The following USP50 variants were observed in gnomAD, a reference collection of about 807,000 sequenced individuals.
USP50 encodes the protein ubiquitin specific peptidase 50.
In USP50, 37 loss-of-function variants were observed where a neutral mutation model predicts 39.2. The observed-to-expected ratio is 0.94, with a 90% CI of 0.73 to 1.24. The LOEUF (loss-of-function observed/expected upper bound fraction) is 1.24. USP50 is among the 50% of genes most tolerant of loss of function. The pLI is 0.00. For synonymous variants in USP50, 139 were observed against 144.5 expected, an observed-to-expected ratio of 0.96 and a Z score of 0.27; for missense variants, 374 against 398.2, an observed-to-expected ratio of 0.94 and a Z score of 0.52.
downstream of USP50, chr15:50,493,860 G>T: frequency 1.4e-6 from 1 of 707,164 alleles, no homozygotes; most frequent in Non-Finnish European, 2.6e-6. Flanking sequence ...AGGAGACCAT[G>T]CAGGGCTTGC....
At chr15:50,532,209 G>C (rs2141372698) in intron 5 of USP50, 1 of 456,238 alleles carries the variant, frequency 2.2e-6, no homozygotes, top group Admixed American at 2.3e-5. Context: ...AAATATTAGA[G>C]ACAAATCTCC....
chr15:50,528,273 A>G (rs184875368), intron 6 of USP50, among the ~76,000 whole-genome samples: 7 of 127,002 alleles, frequency 5.5e-5, no homozygotes, highest in Admixed American at 5.5e-4. Context: ...CATACTGCAC[A>G]TAATTACTTT....
chr15:50,497,337 G>C, downstream of USP50: 1 of 1,372,864 alleles, frequency 7.3e-7, no homozygotes, highest in Non-Finnish European at 9.7e-7. Context: ...ACATAACAAA[G>C]GGCGATTATC....
chr15:50,517,617 G>A (rs1254796534), intron 6 of USP50, among the ~76,000 whole-genome samples: 1 of 151,928 alleles, frequency 6.6e-6, no homozygotes, highest in African/African-American at 2.4e-5. Context: ...ATCACCAATG[G>A]GTCCAAAAAT....
At chr15:50,519,901 CT>C in intron 6 of USP50, among the ~76,000 whole-genome samples, 1 of 152,250 alleles carries the variant, frequency 6.6e-6, no homozygotes, top group African/African-American at 2.4e-5. Context: ...AAAAATAGAA[CT>C]ATTATATGAT....
At chr15:50,536,654 T>C (rs2414076) in intron 5 of USP50, among the ~76,000 whole-genome samples, 2,209 of 152,024 alleles carry the variant, frequency 0.015, 63 homozygotes, top group African/African-American at 0.052. Flanking sequence ...AAAATTTTAA[T>C]TTAATTTAAA....
downstream of USP50, chr15:50,498,445 T>C (rs529900392): frequency 5.0e-6 from 5 of 1,002,086 alleles, no homozygotes; most frequent in South Asian, 2.3e-5. Flanking sequence ...TGAAGCCAAA[T>C]GTCTTTAACA....
At position 50,541,282 on chromosome 15, in the gene USP50, T is replaced by C. The variant is rs1488823145; in HGVS notation, c.445-18A>G. 1 of 1,594,604 alleles carries C rather than the reference T, an allele frequency of 6.3e-7. No individual in the cohort carries two copies. Reference sequence around the variant, plus strand: ...TAGTGGTACTGAATCAAGGAGCAAATTTCACCCAAATTAATTATTGGTTAT... The same window carrying C: ...TAGTGGTACTGAATCAAGGAGCAAACTTCACCCAAATTAATTATTGGTTAT... On this transcript the variant is annotated intron_variant, in intron 3 of 6. Transcript: ENST00000532404.
downstream of USP50, chr15:50,493,950 G>A: frequency 9.0e-7 from 1 of 1,115,266 alleles, no homozygotes; most frequent in Non-Finnish European, 1.4e-6. Context: ...AAATAAATAA[G>A]TAGTTTAATG....
downstream of USP50, chr15:50,493,264 G>A (rs1236113957): frequency 1.9e-6 from 1 of 513,714 alleles, no homozygotes; most frequent in East Asian, 5.3e-5. Flanking sequence ...TGTCACATTG[G>A]CAACACCTGA....
chr15:50,525,711 A>AT (rs1169430627), intron 6 of USP50, among the ~76,000 whole-genome samples: 1 of 83,750 alleles, frequency 1.2e-5, no homozygotes, highest in Non-Finnish European at 2.6e-5. Flanking sequence ...ATATATGTAT[A>AT]TATGTATATG....
intron 6 of USP50, chr15:50,504,139 A>G (rs1043974046): frequency 1.3e-5 from 2 of 152,250 alleles, no homozygotes; most frequent in African/African-American, 4.8e-5. Flanking sequence ...CAGTGTAACA[A>G]CTATTTACAT....
At position 50,525,546 on chromosome 15, in the gene USP50, GTA is replaced by G. The variant is rs111361418; in HGVS notation, c.936+4249_936+4250del. On this transcript the variant is annotated intron_variant, in intron 6 of 6. Transcript: ENST00000532404. ...TATATGTATATGTATATGTATATAT[GTA>G]TATATGTGTATATATGTATATATGT... Among the ~76,000 whole-genome samples, 290 of 83,916 alleles carry G rather than the reference GTA, an allele frequency of 3.5e-3. 1 individual carries two copies. The highest frequency in any genetic ancestry group is 9.5e-3 in the African/African-American group (189 of 19,890). The allele number at this position is 83,916 out of a possible 152,430, so 55.1% of individuals were successfully genotyped here. A position where few individuals can be genotyped will look rare whatever the true frequency, so the allele number is the denominator to read the frequency against.
At chr15:50,527,825 C>T (rs1056714354) in intron 6 of USP50, among the ~76,000 whole-genome samples, 6 of 150,944 alleles carry the variant, frequency 4.0e-5, no homozygotes, top group Admixed American at 1.3e-4. Flanking sequence ...TTAGTAGAGA[C>T]GGGGTTTCAC....
At chr15:50,523,978 C>T (rs1389566537) in intron 6 of USP50, among the ~76,000 whole-genome samples, 1 of 152,180 alleles carries the variant, frequency 6.6e-6, no homozygotes, top group Non-Finnish European at 1.5e-5. Flanking sequence ...GAAATAAACC[C>T]ATGCATTTAT....
chr15:50,526,702 G>C (rs1378496914), intron 6 of USP50, among the ~76,000 whole-genome samples: 1 of 152,174 alleles, frequency 6.6e-6, no homozygotes, highest in Non-Finnish European at 1.5e-5. Flanking sequence ...ATATAGACAT[G>C]TTTAACAATC....
chr15:50,495,981 A>G (rs750533909), downstream of USP50: 4 of 1,613,976 alleles, frequency 2.5e-6, no homozygotes, highest in South Asian at 1.1e-5. Flanking sequence ...GGTCAATTCA[A>G]ATCTACAGTA....
chr15:50,502,517 C>T (rs562254500), intron 6 of USP50: 5 of 152,264 alleles, frequency 3.3e-5, no homozygotes, highest in African/African-American at 7.2e-5. Context: ...TACAGGCACG[C>T]ACCACCACAC....
chr15:50,519,793 A>G (rs995288087), intron 6 of USP50, among the ~76,000 whole-genome samples: 1 of 152,198 alleles, frequency 6.6e-6, no homozygotes, highest in African/African-American at 2.4e-5. Context: ...AAATACTGGC[A>G]AGGATACAGA....
Sources: gnomAD v4.1 joint callset for allele counts (sites outside exome capture counted in the v4.1 genomes callset) on GRCh38, gnomAD v4.1.1 for gene constraint, MANE v1.5 for transcripts, NCBI Gene and HGNC (gene_info 2026-07-23, HGNC 2026-07-21) for gene names.